CELF2: variants seen among roughly 807,000 people sequenced by gnomAD.
The protein encoded by CELF2 is CUGBP Elav-like family member 2.
A neutral mutation model predicts 62.6 loss-of-function variants in CELF2; 8 were observed. That is an observed-to-expected ratio of 0.13 (90% CI 0.07 to 0.23). The LOEUF (loss-of-function observed/expected upper bound fraction) is 0.23. CELF2 is among the 10% of genes least tolerant of loss of function. The pLI, the probability that CELF2 is intolerant of heterozygous loss-of-function variation, is 1.00. For synonymous variants in CELF2, 258 were observed against 250.0 expected, an observed-to-expected ratio of 1.03 and a Z score of -0.30; for missense variants, 333 against 671.0, an observed-to-expected ratio of 0.50 and a Z score of 5.56.
chr10:10,714,445 C>T, the CELF2 span, among the ~76,000 whole-genome samples: 7 of 152,006 alleles, frequency 4.6e-5, no homozygotes, highest in African/African-American at 1.4e-4. Flanking sequence ...GGAGCTCTGC[C>T]GGCTAGACAT....
chr10:10,833,013 C>CTCTGTG, intron 1 of CELF2, among the ~76,000 whole-genome samples: 1 of 144,616 alleles, frequency 6.9e-6, no homozygotes, highest in Admixed American at 6.9e-5. Flanking sequence ...ACAGAAAACT[C>CTCTGTG]TGTGTGTGTG....
intron 1 of CELF2, among the ~76,000 whole-genome samples, chr10:11,074,463 A>T (rs1344612268): frequency 6.6e-6 from 1 of 152,212 alleles, no homozygotes; most frequent in Non-Finnish European, 1.5e-5. Flanking sequence ...TCCGTTTTCC[A>T]AATATCTTAG....
At chr10:10,979,947 G>T (rs2051870300) in intron 2 of CELF2, among the ~76,000 whole-genome samples, 1 of 152,176 alleles carries the variant, frequency 6.6e-6, no homozygotes, top group African/African-American at 2.4e-5. Flanking sequence ...TTTATTTTAA[G>T]AAAGTCAAGG....
At chr10:10,747,444 G>A in the CELF2 span, among the ~76,000 whole-genome samples, 1 of 152,132 alleles carries the variant, frequency 6.6e-6, no homozygotes, top group East Asian at 1.9e-4. Flanking sequence ...CGAAGGAAAG[G>A]GGAAGGATAC....
chr10:10,773,625 A>T, the CELF2 span, among the ~76,000 whole-genome samples: 1 of 152,204 alleles, frequency 6.6e-6, no homozygotes, highest in Non-Finnish European at 1.5e-5. Context: ...GTGGTATTTC[A>T]ACACTGGCTG....
the CELF2 span, among the ~76,000 whole-genome samples, chr10:10,616,713 TGTGTGTGAGAGA>T: frequency 9.2e-5 from 12 of 130,726 alleles, no homozygotes; most frequent in African/African-American, 3.3e-4. Context: ...TGTGTGTGTG[TGTGTGTGAGAGA>T]GAGAGAGAGA....
intron 9 of CELF2, among the ~76,000 whole-genome samples, chr10:11,307,026 C>T (rs920656166): frequency 1.3e-5 from 2 of 152,228 alleles, no homozygotes; most frequent in Non-Finnish European, 2.9e-5. Flanking sequence ...GTTCTCTGTC[C>T]AACTCACTGT....
intron 1 of CELF2, among the ~76,000 whole-genome samples, chr10:10,884,779 T>A (rs551816815): frequency 6.6e-6 from 1 of 152,338 alleles, no homozygotes; most frequent in South Asian, 2.1e-4. Context: ...TTTAGAAGCC[T>A]TTGCACTTCT....
intron 1 of CELF2, among the ~76,000 whole-genome samples, chr10:11,072,817 C>CTT (rs11370125): frequency 3.4e-5 from 5 of 148,526 alleles, no homozygotes; most frequent in African/African-American, 4.9e-5. Flanking sequence ...CCTGATTTCC[C>CTT]TTTTTTTTTT....
chr10:10,759,131 C>T, the CELF2 span, among the ~76,000 whole-genome samples: 1 of 152,072 alleles, frequency 6.6e-6, no homozygotes, highest in African/African-American at 2.4e-5. Context: ...CTAAGCATAG[C>T]ATGCAAATGC....
At chr10:10,622,802 A>G in the CELF2 span, among the ~76,000 whole-genome samples, 4 of 152,078 alleles carry the variant, frequency 2.6e-5, no homozygotes, top group African/African-American at 9.7e-5. Flanking sequence ...AAACAATACA[A>G]TTGCAGGGAA....
chr10:11,102,386 A>T (rs2051950401), intron 1 of CELF2, among the ~76,000 whole-genome samples: 1 of 152,234 alleles, frequency 6.6e-6, no homozygotes, highest in Admixed American at 6.5e-5. Flanking sequence ...TTCTCAGTTC[A>T]TAAGGTAACT....
the CELF2 span, among the ~76,000 whole-genome samples, chr10:10,745,618 C>A: frequency 1.3e-5 from 2 of 152,138 alleles, no homozygotes; most frequent in African/African-American, 4.8e-5. Context: ...GTTCCATTTC[C>A]CTCCATTGAG....
rs1279469096 is a variant in CELF2 at position 11,315,148 on chromosome 10, C to T, written c.1096+890C>T. 1.3e-5 allele frequency among the ~76,000 whole-genome samples: 2 copies of T among 152,116 alleles called. No homozygotes were observed. The highest frequency in any genetic ancestry group is 1.3e-4 in the Admixed American group (2 of 15,274). On this transcript the variant is annotated intron_variant, in intron 10 of 12. Transcript: ENST00000633077. This position sits in a 1 kb window ranked among gnomAD's most constrained non-coding sequence, Gnocchi z 5.8. The stretch of plus-strand genomic sequence containing the variant: ...GGTGTGGGTTCCTGTACTGAGGAAA[C>T]TGATCCTCAGCCCACAGCGGGGACA...
chr10:10,948,039 TA>T (rs1294657239), intron 2 of CELF2, among the ~76,000 whole-genome samples: 6 of 152,198 alleles, frequency 3.9e-5, no homozygotes, highest in Admixed American at 6.5e-5. Flanking sequence ...TTCAGAAATT[TA>T]AACATTCCAG....
the CELF2 span, among the ~76,000 whole-genome samples, chr10:10,723,353 C>G: frequency 6.6e-6 from 1 of 152,284 alleles, no homozygotes; most frequent in East Asian, 1.9e-4. Context: ...AGCAATGTCT[C>G]CAGCATCCTG....
intron 2 of CELF2, among the ~76,000 whole-genome samples, chr10:11,169,960 A>T (rs1030821861): frequency 6.6e-6 from 1 of 152,172 alleles, no homozygotes; most frequent in African/African-American, 2.4e-5. Flanking sequence ...GTCAAGAAGG[A>T]TGCAGGCCAA....
chr10:11,020,694 G>A (rs770125911), intron 1 of CELF2, among the ~76,000 whole-genome samples: 27 of 152,122 alleles, frequency 1.8e-4, no homozygotes, highest in Non-Finnish European at 3.4e-4. Flanking sequence ...GTTTTCCCAC[G>A]AGAATATATT....
intron 2 of CELF2, among the ~76,000 whole-genome samples, chr10:10,964,592 A>G (rs1262248892): frequency 1.3e-5 from 2 of 152,208 alleles, no homozygotes; most frequent in Admixed American, 6.5e-5. Context: ...CAACTTAAAA[A>G]ATATCATTTC....
Sources: allele counts gnomAD v4.1 joint callset (sites outside exome capture counted in the v4.1 genomes callset), GRCh38; gene constraint gnomAD v4.1.1; non-coding constraint Gnocchi (gnomAD v3.1); transcripts MANE v1.5; gene names NCBI Gene and HGNC (gene_info 2026-07-23, HGNC 2026-07-21).